Variants in ATP8B1 observed in about 807,000 individuals in gnomAD.
ATP8B1 encodes phospholipid-transporting ATPase IC.
Under a neutral mutation model 149.9 loss-of-function variants are expected in ATP8B1, and 80 were observed. That is an observed-to-expected ratio of 0.53 (90% CI 0.45 to 0.64). The LOEUF (loss-of-function observed/expected upper bound fraction) is 0.64, where lower values mean the gene tolerates loss of function less well. ATP8B1 is among the 30% of genes least tolerant of loss of function. The pLI, the probability that ATP8B1 is intolerant of heterozygous loss-of-function variation, is 0.00. For missense variants in ATP8B1, 1,247 were observed against 1,552.6 expected (o/e 0.80, Z 3.31); for synonymous variants, 536 against 562.8 (o/e 0.95, Z 0.67).
chr18:57,778,633 GC>G (rs1182212859), intron 1 of ATP8B1, among the ~76,000 whole-genome samples: 3 of 152,180 alleles, frequency 2.0e-5, no homozygotes, highest in Non-Finnish European at 2.9e-5. Flanking sequence ...CTAAAGGTCG[GC>G]CTGGGGATGA....
chr18:57,669,660 T>C (rs1009041756), intron 17 of ATP8B1, among the ~76,000 whole-genome samples, 178 bp from the exon 18 acceptor site: 3 of 152,166 alleles, frequency 2.0e-5, no homozygotes, highest in African/African-American at 4.8e-5. Flanking sequence ...GTCACTTTTT[T>C]TTTTTTTGAG....
At chr18:57,764,520 G>C (rs1000978817) in intron 1 of ATP8B1, among the ~76,000 whole-genome samples, 9 of 151,678 alleles carry the variant, frequency 5.9e-5, no homozygotes, top group Admixed American at 5.9e-4. Flanking sequence ...CTGGGTTCAA[G>C]TGTTTCTCCT....
At chr18:57,659,410 A>G (rs1910241793) in intron 22 of ATP8B1, among the ~76,000 whole-genome samples, 1 of 152,166 alleles carries the variant, frequency 6.6e-6, no homozygotes, top group Non-Finnish European at 1.5e-5. Flanking sequence ...ACTCAGAGGA[A>G]CAAAATGTTT....
chr18:57,674,241 C>CAAAAAA (rs745500180), intron 16 of ATP8B1, among the ~76,000 whole-genome samples: 7 of 82,464 alleles, frequency 8.5e-5, no homozygotes, highest in African/African-American at 8.8e-5. Flanking sequence ...GACTCCATCT[C>CAAAAAA]AAAAAAAAAA....
At chr18:57,684,500 C>CCTA (rs2122822178) in intron 14 of ATP8B1, among the ~76,000 whole-genome samples, 1 of 152,076 alleles carries the variant, frequency 6.6e-6, no homozygotes, top group South Asian at 2.1e-4. Flanking sequence ...AGTAGATGGG[C>CCTA]CTACGGGCAT....
chr18:57,728,839 C>G (rs1240917159), intron 2 of ATP8B1, among the ~76,000 whole-genome samples: 1 of 151,542 alleles, frequency 6.6e-6, no homozygotes, highest in Non-Finnish European at 1.5e-5. Context: ...CCTGCCTCAG[C>G]CTCCCGAGTA....
intron 2 of ATP8B1, among the ~76,000 whole-genome samples, chr18:57,709,129 T>C (rs1913565833): frequency 6.6e-6 from 1 of 152,210 alleles, no homozygotes; most frequent in Non-Finnish European, 1.5e-5. Flanking sequence ...AGATCCTTGT[T>C]TGGCCTAATT....
intron 1 of ATP8B1, among the ~76,000 whole-genome samples, chr18:57,778,456 T>C (rs1472848898): frequency 6.6e-6 from 1 of 151,972 alleles, no homozygotes; most frequent in East Asian, 1.9e-4. Flanking sequence ...GGTCTTGAGC[T>C]CCTGACCTCG....
rs150037216 is a variant in ATP8B1 at position 57,703,316 on chromosome 18, T to A, written c.393+1239A>T. 5.6e-3 allele frequency among the ~76,000 whole-genome samples: 855 copies of A among 152,250 alleles called. 5 individuals carry two copies. The highest frequency in any genetic ancestry group is 0.02 in the African/African-American group (831 of 41,544). Reference sequence around the variant, plus strand: ...CGGGCGCAGTGGCTCATGCTTGTAATCCCAGCACTTGGGGAGGCTGAGGCG... The same window carrying A: ...CGGGCGCAGTGGCTCATGCTTGTAAACCCAGCACTTGGGGAGGCTGAGGCG... On this transcript the variant is annotated intron_variant, in intron 4 of 27. Coordinates refer to ENST00000648908, the MANE Select transcript of ATP8B1 (RefSeq NM_001374385.1).
chr18:57,691,537 A>G (rs1912529483), intron 12 of ATP8B1, among the ~76,000 whole-genome samples: 1 of 152,190 alleles, frequency 6.6e-6, no homozygotes, highest in Non-Finnish European at 1.5e-5. Flanking sequence ...AACCTTACTA[A>G]TAAGACAATG....
At chr18:57,716,195 A>G (rs2079581369) in intron 2 of ATP8B1, among the ~76,000 whole-genome samples, 4 of 152,164 alleles carry the variant, frequency 2.6e-5, no homozygotes, top group African/African-American at 9.7e-5. Flanking sequence ...AAAACATACA[A>G]TGGATATATA....
intron 20 of ATP8B1, among the ~76,000 whole-genome samples, chr18:57,664,290 C>T (rs552564404): frequency 6.6e-6 from 1 of 151,398 alleles, no homozygotes; most frequent in Non-Finnish European, 1.5e-5. Context: ...GCAGATCAGT[C>T]GAGGTCAGGA....
At chr18:57,716,203 A>G (rs1306741868) in intron 2 of ATP8B1, among the ~76,000 whole-genome samples, 1 of 152,188 alleles carries the variant, frequency 6.6e-6, no homozygotes, top group Non-Finnish European at 1.5e-5. Flanking sequence ...CAATGGATAT[A>G]TACAAAATAA....
rs1462124064 is a variant in ATP8B1, at chr18:57,648,540, T to C, written c.3704A>G (p.Asp1235Gly). 2 of 1,611,558 alleles carry C rather than the reference T, an allele frequency of 1.2e-6. No individual in the cohort carries two copies. Among genetic ancestry groups the C allele is most frequent in the South Asian group, 1.1e-5 (1 of 91,000 alleles). Residue 1235 changes from aspartate (D) to glycine (G), a missense_variant, in exon 28 of 28, where the codon GAT becomes GGT. Physicochemically the swap from Asp to Gly is moderately conservative, Grantham distance 94 (BLOSUM62 -1). Transcript: ENST00000648908. ...RSIRKKRSPL[D>G]AIVADGTAEY... ...CGCGGTGCCATCCGCCACGATGGCATCAAGCGGCGAGCGCTTCTTGCGGAT... is the reference window on the plus strand; with the variant it reads ...CGCGGTGCCATCCGCCACGATGGCACCAAGCGGCGAGCGCTTCTTGCGGAT...
intron 1 of ATP8B1, among the ~76,000 whole-genome samples, chr18:57,762,242 G>T (rs1223835873): frequency 1.3e-5 from 2 of 151,694 alleles, no homozygotes; most frequent in Non-Finnish European, 2.9e-5. Context: ...AGGTTCAAGC[G>T]ATTCTCCTGC....
chr18:57,794,341 A>G, intron 1 of ATP8B1, among the ~76,000 whole-genome samples: 1 of 152,066 alleles, frequency 6.6e-6, no homozygotes, highest in Non-Finnish European at 1.5e-5. Flanking sequence ...TTTTTATACC[A>G]GGACACCTAT....
intron 20 of ATP8B1, 138 bp from the exon 21 acceptor site, chr18:57,662,753 T>C (rs1910555021): frequency 1.0e-6 from 1 of 1,001,846 alleles, no homozygotes; most frequent in Non-Finnish European, 1.4e-6. Flanking sequence ...CTTTATTTTA[T>C]TTTCATTATA....
intron 24 of ATP8B1, among the ~76,000 whole-genome samples, chr18:57,653,177 C>G (rs28712145): frequency 0.019 from 2,925 of 151,698 alleles, 113 homozygotes; most frequent in African/African-American, 0.068. Context: ...AAAATATGCA[C>G]TAGCTACATA....
intron 1 of ATP8B1, among the ~76,000 whole-genome samples, chr18:57,798,686 G>A (rs2080542748): frequency 6.6e-6 from 1 of 152,180 alleles, no homozygotes; most frequent in Admixed American, 6.5e-5. Flanking sequence ...GGGTAAAGGG[G>A]GCTCAGGAGC....
Sources: gnomAD v4.1 joint callset for allele counts (sites outside exome capture counted in the v4.1 genomes callset) on GRCh38, gnomAD v4.1.1 for gene constraint, MANE v1.5 for transcripts, NCBI Gene and HGNC (gene_info 2026-07-23, HGNC 2026-07-21) for gene names.